The following CALCR variants were observed in gnomAD, a reference collection of about 807,000 sequenced individuals.
CALCR encodes calcitonin receptor.
A neutral mutation model predicts 59.5 loss-of-function variants in CALCR; 47 were observed. The observed-to-expected ratio is 0.79, with a 90% CI of 0.63 to 1.01. The LOEUF is 1.01. CALCR is among the 50% of genes least tolerant of loss of function. The pLI, the probability that CALCR is intolerant of heterozygous loss-of-function variation, is 0.00. For missense variants in CALCR, 566 were observed against 597.1 expected (o/e 0.95, Z 0.54); for synonymous variants, 213 against 211.3 (o/e 1.01, Z -0.07).
intron 2 of CALCR, among the ~76,000 whole-genome samples, chr7:93,522,399 G>A (rs1025163443): frequency 1.3e-5 from 2 of 152,020 alleles, no homozygotes; most frequent in South Asian, 2.1e-4. Flanking sequence ...CATCTACTTC[G>A]TTTTTGGCCC....
At chr7:93,534,300 A>G (rs145772835) in intron 2 of CALCR, among the ~76,000 whole-genome samples, 369 of 151,976 alleles carry the variant, frequency 2.4e-3, no homozygotes, top group African/African-American at 8.6e-3. Context: ...AAAGCTGAGT[A>G]TGATTAAGGA....
chr7:93,451,303 G>A (rs1800104726), intron 8 of CALCR, among the ~76,000 whole-genome samples: 1 of 151,838 alleles, frequency 6.6e-6, no homozygotes, highest in East Asian at 1.9e-4. Flanking sequence ...AGAGATGCAA[G>A]GCTTATTTAT....
chr7:93,560,036 C>T (rs1354482078), intron 2 of CALCR, among the ~76,000 whole-genome samples: 1 of 152,110 alleles, frequency 6.6e-6, no homozygotes, highest in East Asian at 1.9e-4. Flanking sequence ...AAATCCAACT[C>T]TCTGATGAGC....
At chr7:93,438,169 GT>G (rs1479011703) in intron 10 of CALCR, 40 bp downstream of exon 10, 1 of 1,611,120 alleles carries the variant, frequency 6.2e-7, no homozygotes, top group Non-Finnish European at 8.5e-7. Context: ...AATACATTTT[GT>G]TTATGAATAT....
chr7:93,442,376 T>C (rs2115723676), intron 9 of CALCR, among the ~76,000 whole-genome samples: 1 of 152,284 alleles, frequency 6.6e-6, no homozygotes, highest in South Asian at 2.1e-4. Context: ...ATTATCCCAT[T>C]GGGCTTGGGC....
At chr7:93,464,273 C>T (rs1196400957) in intron 7 of CALCR, among the ~76,000 whole-genome samples, 1 of 151,944 alleles carries the variant, frequency 6.6e-6, no homozygotes, top group Non-Finnish European at 1.5e-5. Flanking sequence ...GCAGTATTTT[C>T]TCCTGTATAT....
At chr7:93,515,268 A>T (rs965792332) in intron 2 of CALCR, among the ~76,000 whole-genome samples, 1 of 151,932 alleles carries the variant, frequency 6.6e-6, no homozygotes, top group African/African-American at 2.4e-5. Context: ...ATAAGCAGAA[A>T]ATTTGTAGGA....
At chr7:93,452,333 T>C (rs1193834850) in intron 8 of CALCR, among the ~76,000 whole-genome samples, 1 of 151,988 alleles carries the variant, frequency 6.6e-6, no homozygotes, top group Admixed American at 6.6e-5. Context: ...TTGATTCACA[T>C]ATATTTTAAA....
At chr7:93,493,251 A>AT (rs987228290) in intron 2 of CALCR, among the ~76,000 whole-genome samples, 18 of 151,460 alleles carry the variant, frequency 1.2e-4, no homozygotes, top group African/African-American at 3.6e-4. Context: ...TGGAATTCTG[A>AT]TTTTTTACAA....
chr7:93,479,415 C>T lies in CALCR; in HGVS notation c.144G>A (p.Met48Ile), dbSNP rs940288459. The T allele has an allele frequency of 3.1e-6, 5 of 1,612,620 alleles. No homozygotes were observed. The highest frequency in any genetic ancestry group is 4.5e-5 in the East Asian group (2 of 44,800). Reference sequence around the variant, plus strand: ...CATAGCATTTGTACTGTGCATCCATCATCTTCTTTCGTCCTACGACGTAAA... The same window carrying T: ...CATAGCATTTGTACTGTGCATCCATTATCTTCTTTCGTCCTACGACGTAAA... Reference protein sequence around the residue: ...PFLYVVGRKKMMDAQYKCYDR... With the variant: ...PFLYVVGRKKIMDAQYKCYDR... The change falls in exon 4 of 14, where the codon ATG (methionine) becomes ATA (isoleucine). Residue 48 changes from methionine to isoleucine, a missense_variant. By Grantham distance (10) the Met-to-Ile change is conservative (BLOSUM62 1). Coordinates refer to ENST00000426151, the MANE Select transcript of CALCR (RefSeq NM_001742.4).
chr7:93,529,281 C>T (rs1291260901), intron 2 of CALCR, among the ~76,000 whole-genome samples: 1 of 151,956 alleles, frequency 6.6e-6, no homozygotes, highest in East Asian at 1.9e-4. Context: ...GTGTGTGGCA[C>T]CTCCCCACTC....
At chr7:93,491,951 C>T (rs147388093) in intron 2 of CALCR, among the ~76,000 whole-genome samples, 7 of 151,912 alleles carry the variant, frequency 4.6e-5, no homozygotes, top group East Asian at 1.9e-4. Flanking sequence ...CACATGCACA[C>T]GTATGTTTAT....
chr7:93,439,256 A>G (rs951504699), intron 9 of CALCR, among the ~76,000 whole-genome samples: 1 of 152,168 alleles, frequency 6.6e-6, no homozygotes, highest in East Asian at 1.9e-4. Flanking sequence ...TAAACCCAGG[A>G]AGCATATTTT....
intron 3 of CALCR, chr7:93,483,821 T>C (rs1362714318): frequency 6.3e-6 from 2 of 319,636 alleles, no homozygotes; most frequent in Non-Finnish European, 1.4e-5. Flanking sequence ...AGAAATGAGA[T>C]ATTAAGGGCA....
rs1799522144 is a variant in CALCR at position 93,426,225 on chromosome 7, G to C, written c.*131C>G. Reference sequence around the variant, plus strand: ...AATAACTTTCTTCAGATTTACAATGGACAAATTCACTGAATAATTCTTCAC... The same window carrying C: ...AATAACTTTCTTCAGATTTACAATGCACAAATTCACTGAATAATTCTTCAC... On this transcript the variant is annotated 3_prime_UTR_variant, in exon 14 of 14. Transcript: ENST00000426151. 1 of 638,332 alleles carries C rather than the reference G, an allele frequency of 1.6e-6. No homozygotes were observed. Among genetic ancestry groups the C allele is most frequent in the Non-Finnish European group, 2.8e-6 (1 of 357,818 alleles). The allele number at this position is 638,332 out of a possible 1,614,324, so 39.5% of individuals were successfully genotyped here. A position where few individuals can be genotyped will look rare whatever the true frequency, so the allele number is the denominator to read the frequency against.
chr7:93,446,156 G>A (rs746650798), intron 8 of CALCR, among the ~76,000 whole-genome samples: 3 of 152,008 alleles, frequency 2.0e-5, no homozygotes, highest in Admixed American at 1.3e-4. Flanking sequence ...GAATAAAAAT[G>A]AGAATTGACC....
At chr7:93,489,111 C>T (rs898411369) in intron 2 of CALCR, among the ~76,000 whole-genome samples, 1 of 151,888 alleles carries the variant, frequency 6.6e-6, no homozygotes, top group African/African-American at 2.4e-5. Flanking sequence ...CTAAAAAACA[C>T]ATTCAAAACC....
chr7:93,477,740 G>A (rs1800698062), intron 4 of CALCR, 72 bp from the exon 5 acceptor site: 1 of 911,626 alleles, frequency 1.1e-6, no homozygotes, highest in Admixed American at 1.8e-5. Flanking sequence ...ATCCCAAGAC[G>A]ATATTACAAG....
intron 2 of CALCR, among the ~76,000 whole-genome samples, chr7:93,494,229 G>A (rs916833959): frequency 6.6e-6 from 1 of 151,418 alleles, no homozygotes; most frequent in Non-Finnish European, 1.5e-5. Flanking sequence ...TACCATCCAT[G>A]TCATGTATTT....
Sources: allele counts gnomAD v4.1 joint callset (sites outside exome capture counted in the v4.1 genomes callset), GRCh38; gene constraint gnomAD v4.1.1; transcripts MANE v1.5; gene names NCBI Gene and HGNC (gene_info 2026-07-23, HGNC 2026-07-21).